The following CASP5 variants were observed in gnomAD, a reference collection of about 807,000 sequenced individuals.
CASP5 encodes the protein caspase 5, also known as caspase-5.
In CASP5, 42 loss-of-function variants were observed where a neutral mutation model predicts 45.2. The ratio of observed to expected loss-of-function variants is 0.93; its 90% CI spans 0.73 to 1.20. CASP5 has a LOEUF of 1.20. Ranked by LOEUF, CASP5 falls within the 50% of genes most tolerant of loss-of-function variation. The pLI is 0.00. For missense variants in CASP5, 512 were observed against 532.2 expected (o/e 0.96, Z 0.37); for synonymous variants, 209 against 186.2 (o/e 1.12, Z -1.00).
chr11:105,010,350 T>C (rs1291377283), intron 1 of CASP5, among the ~76,000 whole-genome samples: 4 of 150,464 alleles, frequency 2.7e-5, no homozygotes, highest in African/African-American at 9.7e-5. Flanking sequence ...TGAGTAATTA[T>C]CATTATTATT....
At chr11:105,013,719 G>A (rs1043910321) in intron 1 of CASP5, among the ~76,000 whole-genome samples, 2 of 151,988 alleles carry the variant, frequency 1.3e-5, no homozygotes. Context: ...AAAATGAGAC[G>A]TCACTTAAAA....
At chr11:104,995,107 G>A (rs1387009033) in intron 9 of CASP5, 2 of 152,204 alleles carry the variant, frequency 1.3e-5, no homozygotes, top group African/African-American at 2.4e-5. Context: ...GAGGCAGGAA[G>A]GGCATTAGCA....
chr11:105,023,026 G>A, intron 1 of CASP5, 104 bp downstream of exon 1: 1 of 1,048,494 alleles, frequency 9.5e-7, no homozygotes, highest in Non-Finnish European at 1.5e-6. Context: ...GCACACTATT[G>A]GTTGATTTCC....
intron 3 of CASP5, among the ~76,000 whole-genome samples, chr11:105,006,229 A>G (rs1003335236): frequency 3.9e-5 from 6 of 152,316 alleles, no homozygotes; most frequent in Admixed American, 2.6e-4. Context: ...CCCTGATCAT[A>G]ATTTTGTAAC....
At chr11:105,017,491 G>A (rs1435102717) in intron 1 of CASP5, among the ~76,000 whole-genome samples, 28 of 151,512 alleles carry the variant, frequency 1.8e-4, no homozygotes, top group South Asian at 4.2e-4. Flanking sequence ...ACCAAGGCTC[G>A]AGAACTACGT....
intron 1 of CASP5, among the ~76,000 whole-genome samples, chr11:105,013,165 T>G (rs557705047): frequency 6.6e-6 from 1 of 152,096 alleles, no homozygotes; most frequent in African/African-American, 2.4e-5. Context: ...TAAGCCAAGC[T>G]GGGCACCAAA....
chr11:105,014,602 A>C lies in CASP5; in HGVS notation c.8-5622T>G, dbSNP rs1411207372. Among the ~76,000 whole-genome samples the C allele has an allele frequency of 2.0e-5, 3 of 152,196 alleles. No homozygotes were observed. The East Asian group carries it at 5.8e-4, about 29-fold the overall frequency. On this transcript the variant is annotated intron_variant, in intron 1 of 9. Coordinates refer to ENST00000260315, the MANE Select transcript of CASP5 (RefSeq NM_004347.5). ...TGGCCCAACTCTTGAAGAATATTTA[A>C]TAAAAGGTAAGTAAGTTTGATTTTA...
At chr11:105,021,546 A>G (rs1862962892) in intron 1 of CASP5, among the ~76,000 whole-genome samples, 1 of 150,666 alleles carries the variant, frequency 6.6e-6, no homozygotes, top group East Asian at 1.9e-4. Context: ...GCAGCCAAAA[A>G]ACACATGAAA....
chr11:105,000,578 A>G, intron 5 of CASP5, 83 bp from the exon 6 acceptor site: 2 of 1,238,052 alleles, frequency 1.6e-6, no homozygotes, highest in Non-Finnish European at 2.3e-6. Flanking sequence ...GCGAAACAAG[A>G]AACATATGTA....
At chr11:105,009,040 CT>C in intron 1 of CASP5, 60 bp from the exon 2 acceptor site, 1 of 1,515,402 alleles carries the variant, frequency 6.6e-7, no homozygotes. Context: ...TTTGCCCTTG[CT>C]TTAGACAAAG....
At chr11:104,997,266 G>C in intron 8 of CASP5, 117 bp downstream of exon 8, 1 of 710,228 alleles carries the variant, frequency 1.4e-6, no homozygotes, top group Non-Finnish European at 2.5e-6. Flanking sequence ...CAGAAATCAG[G>C]TGCCATACTA....
chr11:105,015,627 C>G (rs1158233426), intron 1 of CASP5, among the ~76,000 whole-genome samples: 2 of 152,128 alleles, frequency 1.3e-5, no homozygotes, highest in Non-Finnish European at 2.9e-5. Flanking sequence ...TATCTATTAT[C>G]TAATGATTCT....
chr11:104,996,305 T>C (rs1169048302), intron 8 of CASP5, among the ~76,000 whole-genome samples: 2 of 152,206 alleles, frequency 1.3e-5, no homozygotes, highest in African/African-American at 2.4e-5. Flanking sequence ...ATCTTATGCA[T>C]GGACTGATCA....
chr11:105,016,694 G>A (rs920017083), intron 1 of CASP5, among the ~76,000 whole-genome samples: 4 of 152,120 alleles, frequency 2.6e-5, no homozygotes, highest in Admixed American at 1.3e-4. Flanking sequence ...ACAGCAGTCT[G>A]AGATCAAACT....
At chr11:105,003,476 T>A (rs1402605089) in intron 3 of CASP5, 93 bp from the exon 4 acceptor site, 5 of 681,178 alleles carry the variant, frequency 7.3e-6, no homozygotes, top group Admixed American at 2.7e-5. Flanking sequence ...AGAGAAATCC[T>A]AGGAAAAAGA....
rs1861778030 is a variant in CASP5 at position 105,002,272 on chromosome 11, T to A, written c.544-71A>T. On this transcript the variant is annotated intron_variant, in intron 4 of 9. Coordinates refer to ENST00000260315, the MANE Select transcript of CASP5 (RefSeq NM_004347.5). Reference sequence around the variant, plus strand: ...TTCAACCCCCATATGCCTCACAATTTTGCTTTTTTAAGACCTCATGCAGCT... The same window carrying A: ...TTCAACCCCCATATGCCTCACAATTATGCTTTTTTAAGACCTCATGCAGCT... 2.0e-6 allele frequency: 3 copies of A among 1,510,472 alleles called. No individual in the cohort carries two copies. In the South Asian group the frequency reaches 3.6e-5, roughly 18 times the overall value. The allele number at this position is 1,510,472 out of a possible 1,614,324, so 93.6% of individuals were successfully genotyped here.
chr11:105,016,826 C>CCTCTGTAGG (rs1214574477), intron 1 of CASP5, among the ~76,000 whole-genome samples: 1 of 151,928 alleles, frequency 6.6e-6, no homozygotes, highest in African/African-American at 2.4e-5. Context: ...GGCCTGCCTG[C>CCTCTGTAGG]CTCTGTAGGC....
intron 9 of CASP5, 26 bp downstream of exon 9, chr11:104,995,714 A>G: frequency 7.0e-7 from 1 of 1,432,754 alleles, no homozygotes. Context: ...CATTTATTTC[A>G]CCCTCCAACA....
chr11:104,997,514 T>A (rs748822565), intron 7 of CASP5, 22 bp from the exon 8 acceptor site: 21 of 1,451,772 alleles, frequency 1.4e-5, no homozygotes, highest in Non-Finnish European at 1.9e-5. Flanking sequence ...CAGCCTGGTA[T>A]GCCTTGGGCT....
Sources: allele counts gnomAD v4.1 joint callset (sites outside exome capture counted in the v4.1 genomes callset), GRCh38; gene constraint gnomAD v4.1.1; transcripts MANE v1.5; gene names NCBI Gene and HGNC (gene_info 2026-07-23, HGNC 2026-07-21).